CUL2: variants seen among roughly 807,000 people sequenced by gnomAD.
The protein encoded by CUL2 is cullin 2.
In CUL2, 22 loss-of-function variants were observed where a neutral mutation model predicts 110.2. The ratio of observed to expected loss-of-function variants is 0.20; its 90% CI spans 0.14 to 0.28. CUL2 has a LOEUF of 0.28. Ranked by LOEUF, CUL2 falls within the 10% of genes least tolerant of loss-of-function variation. The pLI is 1.00. For missense variants in CUL2, 631 were observed against 905.5 expected (o/e 0.70, Z 3.89); for synonymous variants, 279 against 293.2 (o/e 0.95, Z 0.49).
intron 1 of CUL2, among the ~76,000 whole-genome samples, chr10:35,073,001 G>A (rs546507796): frequency 5.8e-4 from 88 of 152,280 alleles, no homozygotes; most frequent in South Asian, 8.3e-4. Context: ...GGAGCGGGTA[G>A]GATGGCGGCC....
intron 19 of CUL2, 94 bp from the exon 20 acceptor site, chr10:35,012,058 T>C: frequency 1.5e-6 from 1 of 657,144 alleles, no homozygotes; most frequent in South Asian, 2.2e-5. Flanking sequence ...AAATACTTTT[T>C]TTTTTTTTTT....
At chr10:35,102,935 T>C (rs956660446) in intron 1 of CUL2, among the ~76,000 whole-genome samples, 8 of 152,016 alleles carry the variant, frequency 5.3e-5, no homozygotes, top group Non-Finnish European at 1.2e-4. Context: ...ACAATGTTAG[T>C]TCCAGCCACA....
At chr10:35,094,166 A>G (rs1336670619), upstream of CUL2, among the ~76,000 whole-genome samples, 1 of 152,172 alleles carries the variant, frequency 6.6e-6, no homozygotes, top group Non-Finnish European at 1.5e-5. Flanking sequence ...GTATTTCATT[A>G]TAACAATACA....
At chr10:35,122,277 G>C (rs1157144903) in intron 1 of CUL2, among the ~76,000 whole-genome samples, 1 of 152,190 alleles carries the variant, frequency 6.6e-6, no homozygotes, top group Non-Finnish European at 1.5e-5. Flanking sequence ...AAATAGGATA[G>C]TCATTTGAAA....
At chr10:35,020,929 T>G (rs2085163697) in intron 17 of CUL2, among the ~76,000 whole-genome samples, 1 of 152,068 alleles carries the variant, frequency 6.6e-6, no homozygotes, top group Middle Eastern at 3.4e-3. Context: ...TTACGTAGCT[T>G]GGTTAAGTCC....
At chr10:35,076,593 C>T (rs893629909) in intron 1 of CUL2, among the ~76,000 whole-genome samples, 1 of 152,108 alleles carries the variant, frequency 6.6e-6, no homozygotes, top group Non-Finnish European at 1.5e-5. Flanking sequence ...ATTGCCACCT[C>T]CCATTGAATG....
At chr10:35,062,670 CAAA>C (rs77853239) in intron 3 of CUL2, among the ~76,000 whole-genome samples, 3 of 123,132 alleles carry the variant, frequency 2.4e-5, no homozygotes, top group Non-Finnish European at 1.7e-5. Context: ...CCATCTCTAC[CAAA>C]AAAAAAAAAA....
At chr10:35,066,869 TG>T (rs2086542188) in intron 2 of CUL2, among the ~76,000 whole-genome samples, 1 of 152,198 alleles carries the variant, frequency 6.6e-6, no homozygotes, top group African/African-American at 2.4e-5. Context: ...ATAATCTCCA[TG>T]GTTACTAAGA....
chr10:35,111,255 G>T (rs12775759), intron 1 of CUL2, among the ~76,000 whole-genome samples: 44,332 of 151,370 alleles, frequency 0.29, 7,017 homozygotes, highest in South Asian at 0.35. Flanking sequence ...CTTATGAGAA[G>T]ATTTTTTTTT....
At chr10:35,090,838 G>T (rs561063755), upstream of CUL2, among the ~76,000 whole-genome samples, 1 of 152,364 alleles carries the variant, frequency 6.6e-6, no homozygotes, top group African/African-American at 2.4e-5. Flanking sequence ...TGTTGGAATG[G>T]TGCTTTCAAC....
chr10:35,074,167 T>C, intron 1 of CUL2: 3 of 1,533,982 alleles, frequency 2.0e-6, no homozygotes, highest in Non-Finnish European at 2.6e-6. Flanking sequence ...ATCTTGCCCT[T>C]ATCAAAGACA....
intron 8 of CUL2, among the ~76,000 whole-genome samples, chr10:35,040,807 A>G (rs2490663): frequency 0.59 from 89,373 of 152,052 alleles, 27,082 homozygotes; most frequent in East Asian, 0.68. Flanking sequence ...AGATTCTTCT[A>G]AAGAGCGCAC....
At position 35,035,373 on chromosome 10, in the gene CUL2, G is replaced by T. The variant is rs2085595140; in HGVS notation, c.878-77C>A. On this transcript the variant is annotated intron_variant, in intron 9 of 20. Coordinates refer to ENST00000374749, the MANE Select transcript of CUL2 (RefSeq NM_003591.4). ...AGGTAATATATGGATCCAAGTGCAGGAGTACAATATACGGATCCAAGTGCA... is the reference window on the plus strand; with the variant it reads ...AGGTAATATATGGATCCAAGTGCAGTAGTACAATATACGGATCCAAGTGCA... The T allele has an allele frequency of 6.6e-6, 10 of 1,518,138 alleles. No homozygotes were observed. The Admixed American group carries it at 1.7e-4, about 26-fold the overall frequency. The allele number at this position is 1,518,138 out of a possible 1,614,324, so 94.0% of individuals were successfully genotyped here.
In CUL2 at chr10:35,060,980, G is replaced by A. The variant is rs2134919954; in HGVS notation, c.223-12C>T. ...GACTCCAAAACTCTCTATATAAAGA[G>A]GAAAAATATTTTTACTTGAAAAGCA... On this transcript the variant is annotated splice_polypyrimidine_tract_variant and intron_variant, in intron 3 of 20. Coordinates refer to ENST00000374749, the MANE Select transcript of CUL2 (RefSeq NM_003591.4). The A allele has an allele frequency of 6.3e-7, 1 of 1,594,676 alleles. No homozygotes were observed. The highest frequency in any genetic ancestry group is 1.1e-5 in the South Asian group (1 of 87,036).
intron 1 of CUL2, among the ~76,000 whole-genome samples, chr10:35,124,992 T>C (rs1489494977): frequency 2.0e-5 from 3 of 152,210 alleles, no homozygotes; most frequent in Non-Finnish European, 4.4e-5. Flanking sequence ...GACACTGGAC[T>C]AACGTAAACA....
At chr10:35,052,467 A>G (rs2086135268) in intron 5 of CUL2, among the ~76,000 whole-genome samples, 1 of 152,112 alleles carries the variant, frequency 6.6e-6, no homozygotes, top group Non-Finnish European at 1.5e-5. Flanking sequence ...CATAAATATA[A>G]CTCCATGAGC....
At chr10:35,057,828 T>C (rs1278240129) in intron 4 of CUL2, among the ~76,000 whole-genome samples, 2 of 151,772 alleles carry the variant, frequency 1.3e-5, no homozygotes. Context: ...ACGCAGTGGC[T>C]CACGCCTGTA....
At chr10:35,039,150 C>T in intron 8 of CUL2, 68 bp from the exon 9 acceptor site, 1 of 1,044,442 alleles carries the variant, frequency 9.6e-7, no homozygotes, top group Non-Finnish European at 1.3e-6. Context: ...GTAATATCAG[C>T]AAGTAACTCA....
At chr10:35,070,703 C>A (rs552198238) in intron 2 of CUL2, among the ~76,000 whole-genome samples, 12 of 152,290 alleles carry the variant, frequency 7.9e-5, no homozygotes, top group South Asian at 6.2e-4. Context: ...ACTCTTCCCC[C>A]CAAAATCACA....
Sources: gnomAD v4.1 joint callset for allele counts (sites outside exome capture counted in the v4.1 genomes callset) on GRCh38, gnomAD v4.1.1 for gene constraint, MANE v1.5 for transcripts, NCBI Gene and HGNC (gene_info 2026-07-23, HGNC 2026-07-21) for gene names.